Variants in NTRK2 observed in about 807,000 individuals in gnomAD.
The protein encoded by NTRK2 is neurotrophic receptor tyrosine kinase 2, also known as BDNF/NT-3 growth factors receptor.
In NTRK2, 13 loss-of-function variants were observed where a neutral mutation model predicts 94.5. The observed-to-expected ratio is 0.14, with a 90% CI of 0.09 to 0.22. The LOEUF (loss-of-function observed/expected upper bound fraction) is 0.22, where lower values mean the gene tolerates loss of function less well. Ranked by LOEUF, NTRK2 falls within the 10% of genes least tolerant of loss-of-function variation. NTRK2 has a pLI of 1.00. For missense variants in NTRK2, 639 were observed against 1,071.2 expected (o/e 0.60, Z 5.63); for synonymous variants, 372 against 407.4 (o/e 0.91, Z 1.05).
At chr9:84,926,208 TTCTTTCTTTC>T (rs2077806881) in intron 14 of NTRK2, among the ~76,000 whole-genome samples, 1 of 139,482 alleles carries the variant, frequency 7.2e-6, no homozygotes, top group Non-Finnish European at 1.6e-5. Context: ...CTTTCTTTCT[TTCTTTCTTTC>T]TTTCTTTCTT....
At chr9:84,761,927 G>A (rs2065608781) in intron 12 of NTRK2, among the ~76,000 whole-genome samples, 1 of 152,112 alleles carries the variant, frequency 6.6e-6, no homozygotes, top group South Asian at 2.1e-4. Context: ...ATTCTCATGT[G>A]TCTTGAAAGG....
At chr9:84,818,632 G>T (rs2072580479) in intron 12 of NTRK2, among the ~76,000 whole-genome samples, 1 of 152,224 alleles carries the variant, frequency 6.6e-6, no homozygotes, top group African/African-American at 2.4e-5. Context: ...GAGCACGTTT[G>T]CTTTGTCCGT....
chr9:84,776,324 C>A (rs995786863), intron 12 of NTRK2, among the ~76,000 whole-genome samples: 1 of 152,114 alleles, frequency 6.6e-6, no homozygotes, highest in African/African-American at 2.4e-5. Context: ...CAGGTTCAAG[C>A]GATTCTTATG....
intron 17 of NTRK2, among the ~76,000 whole-genome samples, chr9:84,976,943 A>G (rs1050659802): frequency 3.3e-5 from 5 of 152,250 alleles, no homozygotes; most frequent in African/African-American, 1.2e-4. Context: ...TCCTGTGTGT[A>G]TATGTAGATA....
intron 14 of NTRK2, among the ~76,000 whole-genome samples, chr9:84,918,891 T>G (rs1040853741): frequency 6.6e-6 from 1 of 152,204 alleles, no homozygotes; most frequent in Non-Finnish European, 1.5e-5. Flanking sequence ...GGCACTTTCA[T>G]TTAATACACC....
intron 17 of NTRK2, among the ~76,000 whole-genome samples, chr9:84,957,510 GAC>G (rs1299703003): frequency 6.6e-6 from 1 of 152,192 alleles, no homozygotes; most frequent in African/African-American, 2.4e-5. Flanking sequence ...AAAGATGGGT[GAC>G]ATCATTAGTC....
At chr9:84,873,195 G>A in intron 14 of NTRK2, 1 of 1,062,428 alleles carries the variant, frequency 9.4e-7, no homozygotes, top group Non-Finnish European at 1.1e-6. Context: ...GCTTCCTTCT[G>A]TACTTTGCCT....
intron 12 of NTRK2, among the ~76,000 whole-genome samples, chr9:84,845,419 G>A (rs1301001003): frequency 6.6e-6 from 1 of 152,162 alleles, no homozygotes; most frequent in East Asian, 1.9e-4. Flanking sequence ...CAAAGAGGAA[G>A]AGTAAATACA....
chr9:84,986,482 C>T (rs1438197379), intron 17 of NTRK2, among the ~76,000 whole-genome samples: 1 of 152,158 alleles, frequency 6.6e-6, no homozygotes, highest in African/African-American at 2.4e-5. Context: ...GAGGCGGACC[C>T]CAGGCAGTAA....
intron 17 of NTRK2, among the ~76,000 whole-genome samples, chr9:84,969,169 GTT>G (rs1163728774): frequency 6.6e-6 from 1 of 152,166 alleles, no homozygotes. Flanking sequence ...CCTGTACTCT[GTT>G]TTTTCCGTGC....
intron 12 of NTRK2, among the ~76,000 whole-genome samples, chr9:84,779,060 A>G (rs1369091706): frequency 2.0e-5 from 3 of 152,200 alleles, no homozygotes; most frequent in Non-Finnish European, 4.4e-5. Flanking sequence ...TCCCTTGGGT[A>G]ATATTGATTA....
chr9:84,782,156 T>G (rs2067652884), intron 12 of NTRK2, among the ~76,000 whole-genome samples: 1 of 152,070 alleles, frequency 6.6e-6, no homozygotes, highest in Non-Finnish European at 1.5e-5. Context: ...TTTATGTTGT[T>G]TGTCTCGTTA....
rs1405397121 is a variant in NTRK2, at chr9:84,695,658, T to A, written c.213-6501T>A. 4.6e-5 allele frequency among the ~76,000 whole-genome samples: 7 copies of A among 152,332 alleles called. No individual in the cohort carries two copies. The East Asian group carries it at 1.3e-3, about 29-fold the overall frequency. On this transcript the variant is annotated intron_variant, in intron 2 of 18. Transcript: ENST00000277120. Reference sequence around the variant, plus strand: ...GCATGTACTGTGTTTATGTTCTAATTCTTTATCCACTTTCCGATCACTCTT... The same window carrying A: ...GCATGTACTGTGTTTATGTTCTAATACTTTATCCACTTTCCGATCACTCTT...
intron 12 of NTRK2, among the ~76,000 whole-genome samples, chr9:84,848,594 G>C (rs939197402): frequency 6.6e-6 from 1 of 152,110 alleles, no homozygotes; most frequent in African/African-American, 2.4e-5. Flanking sequence ...TCTTTCAGTA[G>C]TGCCTTTAAT....
chr9:84,871,753 C>T (rs1476477095), intron 14 of NTRK2: 1 of 1,585,412 alleles, frequency 6.3e-7, no homozygotes, highest in Admixed American at 1.7e-5. Context: ...TCCTCCCGAG[C>T]ACTTTCCAAT....
intron 14 of NTRK2, among the ~76,000 whole-genome samples, chr9:84,868,387 G>A (rs1475959644): frequency 1.3e-5 from 2 of 152,198 alleles, no homozygotes; most frequent in Admixed American, 1.3e-4. Context: ...AAGGGCCTTA[G>A]CAATGAGTAT....
chr9:84,999,260 A>G (rs924620268), intron 17 of NTRK2, among the ~76,000 whole-genome samples: 3 of 152,180 alleles, frequency 2.0e-5, no homozygotes, highest in Non-Finnish European at 4.4e-5. Flanking sequence ...GAAGCTTGTG[A>G]TAACATGCAT....
chr9:84,713,271 G>A (rs1370198400), intron 6 of NTRK2, among the ~76,000 whole-genome samples: 1 of 151,752 alleles, frequency 6.6e-6, no homozygotes, highest in Non-Finnish European at 1.5e-5. Flanking sequence ...ATTGTTCTTT[G>A]TTTTTTCTTA....
chr9:84,885,363 G>A (rs369701015), intron 14 of NTRK2, among the ~76,000 whole-genome samples: 7 of 152,092 alleles, frequency 4.6e-5, no homozygotes, highest in Non-Finnish European at 7.4e-5. Context: ...CAGCTATTAC[G>A]TGTTTTTTTG....
Sources: gnomAD v4.1 joint callset for allele counts (sites outside exome capture counted in the v4.1 genomes callset) on GRCh38, gnomAD v4.1.1 for gene constraint, MANE v1.5 for transcripts, NCBI Gene and HGNC (gene_info 2026-07-23, HGNC 2026-07-21) for gene names.